Variants in CDHR3 observed in about 807,000 individuals in gnomAD.
CDHR3 encodes the protein cadherin-related family member 3.
A neutral mutation model predicts 86.6 loss-of-function variants in CDHR3; 79 were observed. The ratio of observed to expected loss-of-function variants is 0.91; its 90% confidence interval spans 0.76 to 1.10. The LOEUF (loss-of-function observed/expected upper bound fraction) is 1.10, where lower values mean the gene tolerates loss of function less well. Among genes scored for constraint, CDHR3 ranks in the 50% least tolerant of loss-of-function variants. CDHR3 has a pLI of 0.00. For synonymous variants in CDHR3, 421 were observed against 402.4 expected (o/e 1.05, Z -0.55); for missense variants, 1,081 against 1,077.6 (o/e 1.00, Z -0.04).
chr7:106,016,143 C>G, intron 11 of CDHR3, 118 bp downstream of exon 11: 1 of 639,016 alleles, frequency 1.6e-6, no homozygotes, highest in Non-Finnish European at 2.8e-6. Context: ...CACAGTGATT[C>G]ACAGCTGATT....
At position 106,004,486 on chromosome 7, in the gene CDHR3, T is replaced by G; in HGVS notation, c.863-12T>G. 1 of 1,612,280 alleles carries G rather than the reference T, an allele frequency of 6.2e-7. No homozygotes were observed. Among genetic ancestry groups the G allele is most frequent in the Non-Finnish European group, 8.5e-7 (1 of 1,178,778 alleles). ...TCTTCAAAGGGTCACGTTCTAACCT[T>G]TGCTTTCTCAGTGACTGGTACAATC... On this transcript the variant is annotated splice_polypyrimidine_tract_variant and intron_variant, in intron 7 of 18. Transcript: ENST00000317716.
chr7:105,989,927 A>G (rs1831110682), intron 4 of CDHR3, among the ~76,000 whole-genome samples: 1 of 152,100 alleles, frequency 6.6e-6, no homozygotes, highest in Non-Finnish European at 1.5e-5. Flanking sequence ...CTGCCAACTC[A>G]GGAGTCAGGA....
At chr7:105,990,010 G>GA (rs1831122866) in intron 4 of CDHR3, among the ~76,000 whole-genome samples, 1 of 152,126 alleles carries the variant, frequency 6.6e-6, no homozygotes, top group Non-Finnish European at 1.5e-5. Context: ...CTCATAAAAG[G>GA]AAAAAGCAAA....
chr7:105,996,735 C>T (rs1403653077), intron 6 of CDHR3, among the ~76,000 whole-genome samples: 2 of 152,150 alleles, frequency 1.3e-5, no homozygotes, highest in Admixed American at 6.5e-5. Context: ...CCCTAACGCC[C>T]GCTCCTAGTA....
intron 4 of CDHR3, among the ~76,000 whole-genome samples, chr7:105,986,756 C>T (rs1830585877): frequency 6.6e-6 from 1 of 152,116 alleles, no homozygotes; most frequent in African/African-American, 2.4e-5. Flanking sequence ...GTCTGGAATC[C>T]TCTAGAATCA....
chr7:105,984,179 G>C lies in CDHR3; in HGVS notation c.416-13G>C. 1.3e-6 allele frequency: 2 copies of C among 1,500,864 alleles called. No individual in the cohort carries two copies. The highest frequency in any genetic ancestry group is 1.8e-6 in the Non-Finnish European group (2 of 1,106,542). 93.0% of individuals were successfully genotyped at this position (1,500,864 alleles called of 1,614,324 possible). A position where few individuals can be genotyped will look rare whatever the true frequency, so the allele number is the denominator to read the frequency against. Reference sequence around the variant, plus strand: ...ATAAGATGTTTCTTATTCCACTTTGGACACTGGTCTAGGTCTACACCTCTA... The same window carrying C: ...ATAAGATGTTTCTTATTCCACTTTGCACACTGGTCTAGGTCTACACCTCTA... On this transcript the variant is annotated splice_polypyrimidine_tract_variant and intron_variant, in intron 3 of 18. Transcript: ENST00000317716.
intron 17 of CDHR3, among the ~76,000 whole-genome samples, chr7:106,028,916 T>TTCTCTTTC (rs1491327817): frequency 4.8e-5 from 4 of 82,998 alleles, no homozygotes; most frequent in African/African-American, 8.6e-5. Context: ...GAGATTTAAA[T>TTCTCTTTC]TTTCTTTCTT....
intron 4 of CDHR3, among the ~76,000 whole-genome samples, chr7:105,990,860 G>T (rs531189192): frequency 3.9e-5 from 6 of 152,264 alleles, no homozygotes; most frequent in African/African-American, 1.4e-4. Context: ...TGGAAACTGG[G>T]CCAGCTCCCT....
At chr7:105,973,550 CT>C (rs913258905) in intron 1 of CDHR3, among the ~76,000 whole-genome samples, 2 of 152,194 alleles carry the variant, frequency 1.3e-5, no homozygotes, top group African/African-American at 4.8e-5. Context: ...ATATCATGGC[CT>C]TTTCCCCTCT....
Position 106,016,015 on chromosome 7 carries a change from A to G in CDHR3, c.1416A>G (p.Glu472=). ...DRPSYVFDVS[E]RRPARTRVGQ... ...CATCCTATGTATTTGATGTGTCAGA[A>G]AGAAGGCCCGGTAAGTAACAGATAA... Residue 472 remains glutamate (E), a synonymous_variant, in exon 11 of 19, where the codon GAA becomes GAG. Coordinates refer to ENST00000317716, the MANE Select transcript of CDHR3 (RefSeq NM_152750.5). The G allele has an allele frequency of 6.2e-7, 1 of 1,608,212 alleles. No individual in the cohort carries two copies. The highest frequency in any genetic ancestry group is 1.1e-5 in the South Asian group (1 of 90,206).
At chr7:105,972,351 G>A (rs1488022894) in intron 1 of CDHR3, among the ~76,000 whole-genome samples, 1 of 152,182 alleles carries the variant, frequency 6.6e-6, no homozygotes, top group East Asian at 1.9e-4. Context: ...GGCTATTATT[G>A]AGAAAAACAT....
chr7:105,980,887 G>T (rs1829633553), intron 2 of CDHR3, 81 bp from the exon 3 acceptor site: 1 of 1,305,462 alleles, frequency 7.7e-7, no homozygotes, highest in Admixed American at 2.1e-5. Flanking sequence ...TTCCTTCCTA[G>T]GAATATCCCT....
Position 106,015,978 on chromosome 7 carries a change from T to G in CDHR3, c.1379T>G (p.Ile460Ser). 6.2e-7 allele frequency: 1 copy of G among 1,613,244 alleles called. No homozygotes were observed. Residue 460 changes from isoleucine (I) to serine (S), a missense_variant, in exon 11 of 19, where the codon ATT becomes AGT. Coordinates refer to ENST00000317716, the MANE Select transcript of CDHR3 (RefSeq NM_152750.5). ...AGCCCAGAAAATGAGTTTCCTCTCA[T>G]TTTTGATAGGCCATCCTATGTATTT... ...LTSPENEFPL[I>S]FDRPSYVFDV...
At chr7:106,008,968 C>T (rs1834351533) in intron 8 of CDHR3, among the ~76,000 whole-genome samples, 2 of 152,146 alleles carry the variant, frequency 1.3e-5, no homozygotes, top group Admixed American at 1.3e-4. Context: ...TATTTGGCTT[C>T]CTGCAGTCCA....
chr7:106,006,267 C>T (rs1028936320), intron 8 of CDHR3, among the ~76,000 whole-genome samples: 6 of 152,214 alleles, frequency 3.9e-5, no homozygotes, highest in African/African-American at 1.4e-4. Context: ...GGTGGAGACA[C>T]AGCCAAACCA....
rs529736322 is a variant in CDHR3, at chr7:105,970,912, C to G, written c.47-3932C>G. ...TCCCCAGCACTTTGGGAGGCCGAGG[C>G]AGGTGGATCACAAGGTCAGGAGATC... On this transcript the variant is annotated intron_variant, in intron 1 of 18. Coordinates refer to ENST00000317716, the MANE Select transcript of CDHR3 (RefSeq NM_152750.5). Among the ~76,000 whole-genome samples, 7 of 152,134 alleles carry G rather than the reference C, an allele frequency of 4.6e-5. No homozygotes were observed. The South Asian group carries it at 1.5e-3, about 32-fold the overall frequency.
chr7:105,992,467 G>C (rs984733364), intron 4 of CDHR3, among the ~76,000 whole-genome samples: 3 of 152,198 alleles, frequency 2.0e-5, no homozygotes, highest in African/African-American at 4.8e-5. Context: ...TGTTAATGGG[G>C]GGCTTGGGAT....
chr7:106,027,297 T>G (rs1484529664), intron 16 of CDHR3, among the ~76,000 whole-genome samples: 2 of 151,636 alleles, frequency 1.3e-5, no homozygotes, highest in Non-Finnish European at 2.9e-5. Context: ...CTCGGGAGGC[T>G]GAGGCAGGAG....
At chr7:106,005,490 G>C (rs1833825052) in intron 8 of CDHR3, among the ~76,000 whole-genome samples, 1 of 152,252 alleles carries the variant, frequency 6.6e-6, no homozygotes, top group Non-Finnish European at 1.5e-5. Flanking sequence ...CTCTTTGGGA[G>C]GAATTGGGGT....
Sources: gnomAD v4.1 joint callset for allele counts (sites outside exome capture counted in the v4.1 genomes callset) on GRCh38, gnomAD v4.1.1 for gene constraint, MANE v1.5 for transcripts, NCBI Gene and HGNC (gene_info 2026-07-23, HGNC 2026-07-21) for gene names.